Variants in UXS1 observed in about 807,000 individuals in gnomAD.
The protein encoded by UXS1 is UDP-glucuronate decarboxylase 1, also known as UDP-glucuronic acid decarboxylase 1.
In UXS1, 33 loss-of-function variants were observed where a neutral mutation model predicts 62.6. The ratio of observed to expected loss-of-function variants is 0.53; its 90% CI spans 0.40 to 0.70. The LOEUF is 0.70. Ranked by LOEUF, UXS1 falls within the 30% of genes least tolerant of loss-of-function variation. The probability of loss-of-function intolerance (pLI) is 0.00; values close to 1 mark genes in which losing one functional copy is unlikely to be tolerated. For synonymous variants in UXS1, 213 were observed against 206.8 expected (o/e 1.03, Z -0.26); for missense variants, 434 against 556.3 (o/e 0.78, Z 2.21).
At chr2:106,162,248 A>G (rs1682944208) in intron 4 of UXS1, among the ~76,000 whole-genome samples, 1 of 152,240 alleles carries the variant, frequency 6.6e-6, no homozygotes, top group Non-Finnish European at 1.5e-5. Flanking sequence ...CAGGTTGACA[A>G]GAATAAATTA....
At chr2:106,189,015 TGAG>T (rs1240780163) in intron 1 of UXS1, among the ~76,000 whole-genome samples, 1 of 151,808 alleles carries the variant, frequency 6.6e-6, no homozygotes, top group South Asian at 2.1e-4. Context: ...AATACAAAAA[TGAG>T]GAGACGTCCC....
intron 10 of UXS1, among the ~76,000 whole-genome samples, chr2:106,107,856 C>T (rs567472848): frequency 6.6e-6 from 1 of 152,328 alleles, no homozygotes; most frequent in East Asian, 1.9e-4. Context: ...ATGCTGCCTT[C>T]AGGTACGGTG....
chr2:106,192,423 G>A (rs1684987911), intron 1 of UXS1, among the ~76,000 whole-genome samples: 1 of 152,100 alleles, frequency 6.6e-6, no homozygotes, highest in African/African-American at 2.4e-5. Flanking sequence ...GCGTGGTGGC[G>A]GGTGCCTGTA....
chr2:106,116,041 C>T (rs1367579129), intron 9 of UXS1, among the ~76,000 whole-genome samples: 2 of 152,164 alleles, frequency 1.3e-5, no homozygotes, highest in East Asian at 1.9e-4. Flanking sequence ...TTGCCTCATT[C>T]GTAGCAGCTG....
chr2:106,139,681 CT>C (rs1558714833), intron 6 of UXS1, among the ~76,000 whole-genome samples: 1 of 152,096 alleles, frequency 6.6e-6, no homozygotes, highest in Admixed American at 6.6e-5. Context: ...TGTTGATTTT[CT>C]TTTTTAATTT....
chr2:106,172,690 C>A (rs1179358479), intron 1 of UXS1, among the ~76,000 whole-genome samples: 1 of 152,144 alleles, frequency 6.6e-6, no homozygotes, highest in African/African-American at 2.4e-5. Context: ...TCTACAGAGG[C>A]CTCCCAGCAG....
intron 1 of UXS1, among the ~76,000 whole-genome samples, chr2:106,171,427 G>A (rs1443325224): frequency 2.0e-5 from 3 of 152,194 alleles, no homozygotes; most frequent in Admixed American, 6.5e-5. Flanking sequence ...GGGTTTCAGG[G>A]AGACTAGAGG....
intron 4 of UXS1, 137 bp from the exon 5 acceptor site, chr2:106,158,255 G>T: frequency 1.4e-6 from 1 of 714,940 alleles, no homozygotes; most frequent in South Asian, 1.8e-5. Context: ...ATGAGTGCTG[G>T]AGAAACCAAG....
At chr2:106,154,880 T>C (rs933597957) in intron 5 of UXS1, among the ~76,000 whole-genome samples, 1 of 152,192 alleles carries the variant, frequency 6.6e-6, no homozygotes, top group African/African-American at 2.4e-5. Flanking sequence ...CTGGGTGATT[T>C]ATAAAGCAAA....
At chr2:106,151,783 C>T (rs1265259252) in intron 5 of UXS1, among the ~76,000 whole-genome samples, 1 of 152,146 alleles carries the variant, frequency 6.6e-6, no homozygotes, top group Non-Finnish European at 1.5e-5. Flanking sequence ...TAGAAATAAC[C>T]TCAAAAGAGG....
At chr2:106,122,899 T>C in intron 9 of UXS1, 71 bp downstream of exon 9, 1 of 1,578,034 alleles carries the variant, frequency 6.3e-7, no homozygotes. Context: ...TTCATTCCTT[T>C]ACAACACTTT....
intron 5 of UXS1, among the ~76,000 whole-genome samples, chr2:106,157,150 G>C (rs1219091880): frequency 1.3e-5 from 2 of 152,124 alleles, no homozygotes; most frequent in African/African-American, 2.4e-5. Context: ...CTTTCCTTGG[G>C]GGGGGCCTAC....
chr2:106,166,884 AC>A (rs1026751397), intron 1 of UXS1, among the ~76,000 whole-genome samples: 1 of 152,166 alleles, frequency 6.6e-6, no homozygotes, highest in Non-Finnish European at 1.5e-5. Context: ...AGAGCTAGTC[AC>A]AAAAATCAAA....
chr2:106,176,615 A>G (rs1343271067), intron 1 of UXS1, among the ~76,000 whole-genome samples: 3 of 152,208 alleles, frequency 2.0e-5, no homozygotes, highest in African/African-American at 7.2e-5. Flanking sequence ...AAGGAGCCTT[A>G]GCCCTAAACC....
chr2:106,124,330 C>G (rs1211147183), intron 8 of UXS1, among the ~76,000 whole-genome samples: 1 of 152,228 alleles, frequency 6.6e-6, no homozygotes, highest in East Asian at 1.9e-4. Flanking sequence ...CTGGCACCGT[C>G]TGGACTGAAA....
intron 6 of UXS1, 37 bp from the exon 7 acceptor site, chr2:106,129,815 A>C: frequency 7.0e-7 from 1 of 1,434,974 alleles, no homozygotes; most frequent in Non-Finnish European, 9.5e-7. Flanking sequence ...TACTTCAAAA[A>C]AGCACCAAAA....
At chr2:106,144,047 G>C (rs1413568780) in intron 6 of UXS1, among the ~76,000 whole-genome samples, 3 of 152,186 alleles carry the variant, frequency 2.0e-5, no homozygotes. Flanking sequence ...GCACCACCTA[G>C]CATCTTGGGT....
intron 10 of UXS1, among the ~76,000 whole-genome samples, chr2:106,111,816 T>C (rs1302468444): frequency 6.6e-6 from 1 of 151,848 alleles, no homozygotes; most frequent in East Asian, 1.9e-4. Flanking sequence ...ATTTTCAGAG[T>C]AACAGGATGC....
At chr2:106,121,197 T>C (rs1284038094) in intron 9 of UXS1, among the ~76,000 whole-genome samples, 3 of 152,110 alleles carry the variant, frequency 2.0e-5, no homozygotes, top group East Asian at 1.9e-4. Flanking sequence ...GCTTCTATTA[T>C]TGCCAAATAC....
Sources: allele counts gnomAD v4.1 joint callset (sites outside exome capture counted in the v4.1 genomes callset), GRCh38; gene constraint gnomAD v4.1.1; transcripts MANE v1.5; gene names NCBI Gene and HGNC (gene_info 2026-07-23, HGNC 2026-07-21).